Variants in CPED1 observed in about 807,000 individuals in gnomAD.
CPED1 encodes the protein cadherin like and PC-esterase domain containing 1, also known as cadherin-like and PC-esterase domain-containing protein 1.
In CPED1, 114 loss-of-function variants were observed where a neutral mutation model predicts 128.2. The observed-to-expected ratio is 0.89, with a 90% CI of 0.76 to 1.04. The LOEUF (loss-of-function observed/expected upper bound fraction) is 1.04, where lower values mean the gene tolerates loss of function less well. CPED1 is among the 50% of genes least tolerant of loss of function. The pLI is 0.00. For synonymous variants in CPED1, 462 were observed against 426.7 expected (o/e 1.08, Z -1.02); for missense variants, 1,211 against 1,207.1 (o/e 1.00, Z -0.05).
intron 4 of CPED1, among the ~76,000 whole-genome samples, chr7:121,063,624 A>T (rs1039688515): frequency 6.6e-6 from 1 of 152,176 alleles, no homozygotes; most frequent in East Asian, 1.9e-4. Context: ...GGTTTTAACA[A>T]GGTTTTCTCA....
intron 22 of CPED1, among the ~76,000 whole-genome samples, chr7:121,288,815 C>T (rs183334745): frequency 2.2e-4 from 33 of 152,126 alleles, no homozygotes; most frequent in African/African-American, 7.5e-4. Context: ...TAGATAAAAT[C>T]GTATAAACAA....
chr7:121,071,072 C>T (rs1029353164), intron 5 of CPED1, among the ~76,000 whole-genome samples: 5 of 152,136 alleles, frequency 3.3e-5, no homozygotes, highest in African/African-American at 1.2e-4. Context: ...AGATAACCTG[C>T]ACCTTTTCAG....
intron 16 of CPED1, among the ~76,000 whole-genome samples, chr7:121,227,389 T>A (rs1446488661): frequency 6.6e-6 from 1 of 152,072 alleles, no homozygotes; most frequent in South Asian, 2.1e-4. Context: ...CAATTTCTGA[T>A]CTGGGCTTAC....
chr7:121,154,752 G>A (rs965065591), intron 16 of CPED1, among the ~76,000 whole-genome samples: 2 of 152,082 alleles, frequency 1.3e-5, no homozygotes, highest in African/African-American at 4.8e-5. Context: ...CACCATGTTG[G>A]CCAGGATGGT....
chr7:121,269,257 T>C (rs1473855317), intron 21 of CPED1, among the ~76,000 whole-genome samples: 17 of 152,066 alleles, frequency 1.1e-4, no homozygotes, highest in Non-Finnish European at 1.9e-4. Context: ...GATGCAGTAT[T>C]TGATTTTCTG....
chr7:121,061,293 T>A, intron 4 of CPED1: 1 of 535,310 alleles, frequency 1.9e-6, no homozygotes, highest in Non-Finnish European at 2.4e-6. Flanking sequence ...AATATTATTA[T>A]CATTTTATCA....
chr7:121,080,690 C>T (rs118191288), intron 5 of CPED1, among the ~76,000 whole-genome samples: 4,602 of 147,178 alleles, frequency 0.031, 133 homozygotes, highest in Non-Finnish European at 0.039. Context: ...TTTACTTATG[C>T]ATTTTAAAAA....
At chr7:121,066,090 A>C (rs559179023) in intron 5 of CPED1, among the ~76,000 whole-genome samples, 188 of 152,268 alleles carry the variant, frequency 1.2e-3, no homozygotes, top group African/African-American at 4.4e-3. Context: ...TTTAATATTG[A>C]ATACAGATTA....
Position 121,061,105 on chromosome 7 carries a change from C to T in CPED1, c.541-3133C>T, listed in dbSNP as rs150832516. 5.8e-3 allele frequency: 1,017 copies of T among 174,238 alleles called. 11 individuals are homozygous for T. Among genetic ancestry groups the T allele is most frequent in the African/African-American group, 0.023 (963 of 41,912 alleles). 10.8% of individuals were successfully genotyped at this position (174,238 alleles called of 1,614,324 possible). A position where few individuals can be genotyped will look rare whatever the true frequency, so the allele number is the denominator to read the frequency against. ...CAGAAGGGGCAAACTCCGGACACGC[C>T]GCCTTTAAGAACTGTAACACTCACT... is the stretch of plus-strand genomic sequence containing the variant. On this transcript the variant is annotated intron_variant, in intron 4 of 22. Transcript: ENST00000310396.
At chr7:121,105,051 G>A (rs973713607) in intron 7 of CPED1, among the ~76,000 whole-genome samples, 2 of 151,980 alleles carry the variant, frequency 1.3e-5, no homozygotes, top group Non-Finnish European at 2.9e-5. Flanking sequence ...CTCTACCACC[G>A]CTGCACTGGC....
At chr7:121,022,902 G>T (rs1027913754) in intron 3 of CPED1, among the ~76,000 whole-genome samples, 1 of 151,328 alleles carries the variant, frequency 6.6e-6, no homozygotes, top group Non-Finnish European at 1.5e-5. Flanking sequence ...TTATGATCCA[G>T]AATTTTAATA....
chr7:121,041,701 G>T (rs905567109), intron 3 of CPED1, among the ~76,000 whole-genome samples: 1 of 152,032 alleles, frequency 6.6e-6, no homozygotes, highest in South Asian at 2.1e-4. Context: ...CACTCCTTAG[G>T]GCAGATGCTT....
At chr7:121,175,111 A>G (rs1228960014) in intron 16 of CPED1, among the ~76,000 whole-genome samples, 1 of 152,098 alleles carries the variant, frequency 6.6e-6, no homozygotes, top group African/African-American at 2.4e-5. Flanking sequence ...CAGCTAAAGG[A>G]GCTTTTGGGC....
At chr7:121,044,156 C>T (rs1020900415) in intron 3 of CPED1, among the ~76,000 whole-genome samples, 2 of 151,988 alleles carry the variant, frequency 1.3e-5, no homozygotes, top group African/African-American at 4.8e-5. Context: ...AATTTTAATA[C>T]ATAGTAGCTC....
chr7:121,249,584 A>G (rs1200057787), intron 18 of CPED1, among the ~76,000 whole-genome samples: 19 of 152,192 alleles, frequency 1.2e-4, no homozygotes, highest in Admixed American at 1.2e-3. Flanking sequence ...AATAAACTTT[A>G]TAAGTGAAGG....
chr7:121,195,823 A>G (rs1272744840), intron 16 of CPED1, among the ~76,000 whole-genome samples: 1 of 152,124 alleles, frequency 6.6e-6, no homozygotes, highest in African/African-American at 2.4e-5. Context: ...ACAAAACCTC[A>G]AGCTTGGTTG....
Position 121,163,899 on chromosome 7 carries a change from C to T in CPED1, c.2055+21758C>T, listed in dbSNP as rs553154552. 7.2e-5 allele frequency among the ~76,000 whole-genome samples: 11 copies of T among 152,280 alleles called. No individual in the cohort carries two copies. The South Asian group carries it at 2.3e-3, about 32-fold the overall frequency. ...GTCTTTAAAGTATCCCAAGAATAGACTCATTGACCACTTGGTGGCAATATT... is the reference window on the plus strand; with the variant it reads ...GTCTTTAAAGTATCCCAAGAATAGATTCATTGACCACTTGGTGGCAATATT... On this transcript the variant is annotated intron_variant, in intron 16 of 22. Transcript: ENST00000310396.
chr7:121,198,813 C>T (rs1346363237), intron 16 of CPED1, among the ~76,000 whole-genome samples: 3 of 152,132 alleles, frequency 2.0e-5, no homozygotes, highest in South Asian at 2.1e-4. Flanking sequence ...TCATTCCTAT[C>T]GGTAACTGAA....
intron 16 of CPED1, among the ~76,000 whole-genome samples, chr7:121,235,206 T>TACACATACACATAC: frequency 6.6e-6 from 1 of 152,278 alleles, no homozygotes; most frequent in South Asian, 2.1e-4. Flanking sequence ...TACACGGGTA[T>TACACATACACATAC]ACTAACAAGT....
Sources: allele counts gnomAD v4.1 joint callset (sites outside exome capture counted in the v4.1 genomes callset), GRCh38; gene constraint gnomAD v4.1.1; transcripts MANE v1.5; gene names NCBI Gene and HGNC (gene_info 2026-07-23, HGNC 2026-07-21).